The following TNFRSF8 variants were observed in gnomAD, a reference collection of about 807,000 sequenced individuals.
The protein encoded by TNFRSF8 is tumor necrosis factor receptor superfamily member 8.
In TNFRSF8, 26 loss-of-function variants were observed where a neutral mutation model predicts 70.8. The observed-to-expected ratio is 0.37, with a 90% CI of 0.27 to 0.51. The LOEUF is 0.51. TNFRSF8 is among the 20% of genes least tolerant of loss of function. The pLI is 0.94. For synonymous variants in TNFRSF8, 356 were observed against 339.2 expected, an observed-to-expected ratio of 1.05 and a Z score of -0.54; for missense variants, 720 against 807.9, an observed-to-expected ratio of 0.89 and a Z score of 1.32.
chr1:12,064,303 T>C (rs1640700584), intron 1 of TNFRSF8, among the ~76,000 whole-genome samples: 1 of 152,102 alleles, frequency 6.6e-6, no homozygotes, highest in South Asian at 2.1e-4. Flanking sequence ...AAGTCTATGG[T>C]GGGTTGCCTC....
chr1:12,127,054 T>G (rs1214104610), intron 12 of TNFRSF8, among the ~76,000 whole-genome samples: 1 of 152,182 alleles, frequency 6.6e-6, no homozygotes, highest in Non-Finnish European at 1.5e-5. Context: ...GGAACCCTCC[T>G]CACCTGTCCA....
At chr1:12,103,742 C>G (rs956519785) in intron 3 of TNFRSF8, among the ~76,000 whole-genome samples, 1 of 152,178 alleles carries the variant, frequency 6.6e-6, no homozygotes, top group Non-Finnish European at 1.5e-5. Flanking sequence ...ATCCTCCTGC[C>G]TCGGCCTCCC....
At chr1:12,071,611 T>C (rs1640846871) in intron 1 of TNFRSF8, among the ~76,000 whole-genome samples, 1 of 151,726 alleles carries the variant, frequency 6.6e-6, no homozygotes. Context: ...TCTCTCTCTT[T>C]TTTTTTTGAG....
At chr1:12,111,306 C>G (rs11569882) in intron 6 of TNFRSF8, among the ~76,000 whole-genome samples, 7 of 151,996 alleles carry the variant, frequency 4.6e-5, no homozygotes, top group African/African-American at 1.7e-4. Flanking sequence ...CTCAGCCTCC[C>G]GAGTAGCTGG....
chr1:12,072,899 C>T (rs925162797), intron 1 of TNFRSF8, among the ~76,000 whole-genome samples: 3 of 152,184 alleles, frequency 2.0e-5, no homozygotes, highest in African/African-American at 2.4e-5. Flanking sequence ...CAGGACGCAG[C>T]GGCCAGGCCA....
At chr1:12,135,738 C>G in intron 13 of TNFRSF8, 125 bp downstream of exon 13, 1 of 1,344,684 alleles carries the variant, frequency 7.4e-7, no homozygotes, top group Non-Finnish European at 1.0e-6. Flanking sequence ...TGGCCATTCC[C>G]CTCCCACAGT....
intron 3 of TNFRSF8, among the ~76,000 whole-genome samples, chr1:12,103,419 A>G (rs1444280032): frequency 1.3e-5 from 2 of 152,130 alleles, no homozygotes; most frequent in Admixed American, 6.6e-5. Flanking sequence ...AATTGAACAG[A>G]AAATACAGAG....
intron 2 of TNFRSF8, among the ~76,000 whole-genome samples, chr1:12,095,325 T>C (rs1365544225): frequency 6.6e-6 from 1 of 151,956 alleles, no homozygotes; most frequent in Non-Finnish European, 1.5e-5. Flanking sequence ...TTCGCTCCTG[T>C]TGCCCAGGCT....
chr1:12,119,202 C>T lies in TNFRSF8; in HGVS notation c.946+3473C>T, dbSNP rs1452686578. Among the ~76,000 whole-genome samples the T allele has an allele frequency of 6.6e-6, 1 of 152,196 alleles. No homozygotes were observed. The highest frequency in any genetic ancestry group is 1.5e-5 in the Non-Finnish European group (1 of 68,028). ...TGCTCCTGCTGCCTGGCCTGGTGAC[C>T]ACCTTGATGTGGCTCTCCCAATGCA... On this transcript the variant is annotated intron_variant, in intron 8 of 14. Transcript: ENST00000263932. This position sits in a 1 kb window ranked among gnomAD's most constrained non-coding sequence, Gnocchi z 4.4.
chr1:12,117,655 C>T (rs1001117578), intron 8 of TNFRSF8, among the ~76,000 whole-genome samples: 3 of 152,112 alleles, frequency 2.0e-5, no homozygotes, highest in African/African-American at 7.2e-5. Context: ...AAACTGTCCC[C>T]GCTCAGTGAC....
chr1:12,068,238 C>T (rs1324468488), intron 1 of TNFRSF8, among the ~76,000 whole-genome samples: 5 of 152,090 alleles, frequency 3.3e-5, no homozygotes, highest in African/African-American at 1.2e-4. Flanking sequence ...GTCCTGGAGG[C>T]TTGAGGGTCC....
intron 1 of TNFRSF8, among the ~76,000 whole-genome samples, chr1:12,069,424 C>T (rs74545557): frequency 3.4e-4 from 52 of 152,054 alleles, no homozygotes; most frequent in Non-Finnish European, 6.2e-4. Context: ...GACGAGCCCC[C>T]CCGCCTCAGC....
At position 12,110,011 on chromosome 1, in the gene TNFRSF8, T is replaced by C. The variant is rs780280274; in HGVS notation, c.513-30T>C. On this transcript the variant is annotated intron_variant, in intron 5 of 14. Transcript: ENST00000263932. This position sits in a 1 kb window ranked among gnomAD's most constrained non-coding sequence, Gnocchi z 4.0. ...GCCTCCCTTGCCCCATTGGCAGAAT[T>C]ATCAGTCCCATCTCTGGCTTCTTCC... The C allele has an allele frequency of 6.2e-7, 1 of 1,607,546 alleles. No individual in the cohort carries two copies. The highest frequency in any genetic ancestry group is 1.7e-5 in the Admixed American group (1 of 59,226).
At chr1:12,118,493 G>A (rs1031265834) in intron 8 of TNFRSF8, among the ~76,000 whole-genome samples, 4 of 152,184 alleles carry the variant, frequency 2.6e-5, no homozygotes, top group Non-Finnish European at 5.9e-5. Context: ...AAAAAGATAC[G>A]AAACCAGAAA....
At chr1:12,075,705 A>T (rs1341471550) in intron 1 of TNFRSF8, among the ~76,000 whole-genome samples, 1 of 152,198 alleles carries the variant, frequency 6.6e-6, no homozygotes, top group East Asian at 1.9e-4. Flanking sequence ...CCCAGTGAGG[A>T]TGGTATGATT....
intron 12 of TNFRSF8, among the ~76,000 whole-genome samples, chr1:12,130,852 A>G (rs948451989): frequency 1.3e-5 from 2 of 152,250 alleles, no homozygotes; most frequent in African/African-American, 4.8e-5. Context: ...GATAGAATCA[A>G]CATTTTTAGG....
chr1:12,103,780 A>G lies in TNFRSF8; in HGVS notation c.269-599A>G, dbSNP rs985722106. Among the ~76,000 whole-genome samples, 5 of 152,354 alleles carry G rather than the reference A, an allele frequency of 3.3e-5. No homozygotes were observed. The East Asian group carries it at 5.8e-4, about 18-fold the overall frequency. On this transcript the variant is annotated intron_variant, in intron 3 of 14. Coordinates refer to ENST00000263932, the MANE Select transcript of TNFRSF8 (RefSeq NM_001243.5). ...AGTGCTGGGATTAAAGGCGTGAGCC[A>G]CTGCACCCAGCCTCCCCTGTCACGA...
At chr1:12,069,928 T>C (rs1234102941) in intron 1 of TNFRSF8, among the ~76,000 whole-genome samples, 1 of 152,000 alleles carries the variant, frequency 6.6e-6, no homozygotes, top group Non-Finnish European at 1.5e-5. Context: ...CAGTGGGAGA[T>C]TAGCAGAAAA....
chr1:12,115,816 G>T, intron 8 of TNFRSF8, 87 bp downstream of exon 8: 1 of 1,466,336 alleles, frequency 6.8e-7, no homozygotes, highest in Non-Finnish European at 9.3e-7. Context: ...GCCAGGGGTG[G>T]AGGCAAATGA....
Sources: gnomAD v4.1 joint callset for allele counts (sites outside exome capture counted in the v4.1 genomes callset) on GRCh38, gnomAD v4.1.1 for gene constraint, Gnocchi (gnomAD v3.1) non-coding constraint, MANE v1.5 for transcripts, NCBI Gene and HGNC (gene_info 2026-07-23, HGNC 2026-07-21) for gene names.